Variants in ADAMTS4 observed in about 807,000 individuals in gnomAD.
ADAMTS4 encodes ADAM metallopeptidase with thrombospondin type 1 motif 4.
Under a neutral mutation model 66.7 loss-of-function variants are expected in ADAMTS4, and 38 were observed. The ratio of observed to expected loss-of-function variants is 0.57; its 90% CI spans 0.44 to 0.75. ADAMTS4 has a LOEUF of 0.75. ADAMTS4 is among the 30% of genes least tolerant of loss of function. The pLI is 0.00. For synonymous variants in ADAMTS4, 418 were observed against 461.5 expected (o/e 0.91, Z 1.21); for missense variants, 1,014 against 1,116.7 (o/e 0.91, Z 1.31).
Position 161,196,783 on chromosome 1 carries a change from G to T in ADAMTS4, c.731C>A (p.Thr244Lys). Residue 244 changes from threonine to lysine, a missense_variant, in exon 2 of 9, where the codon ACA (threonine) becomes AAA (lysine). Coordinates refer to ENST00000367996, the MANE Select transcript of ADAMTS4 (RefSeq NM_005099.6). The stretch of plus-strand genomic sequence containing the variant: ...GGCCTTGGCTGCTGCTGCCATCACT[G>T]TTAGCAGGTAGCGCTTTAGCCCCGC... ...HGAGLKRYLL[T>K]VMAAAAKAFK... 1 of 1,612,856 alleles carries T rather than the reference G, an allele frequency of 6.2e-7. No homozygotes were observed. The highest frequency in any genetic ancestry group is 8.5e-7 in the Non-Finnish European group (1 of 1,180,042).
rs1451568179 is a variant in ADAMTS4, at chr1:161,185,703, A to G, written c.*5435T>C. 2 of 152,084 alleles carry G rather than the reference A, an allele frequency of 1.3e-5. No homozygotes were observed. Among genetic ancestry groups the G allele is most frequent in the Non-Finnish European group, 2.9e-5 (2 of 68,008 alleles). 9.4% of individuals were successfully genotyped at this position (152,084 alleles called of 1,614,324 possible). On this transcript the variant is annotated 3_prime_UTR_variant, in exon 9 of 9. Coordinates refer to ENST00000367996, the MANE Select transcript of ADAMTS4 (RefSeq NM_005099.6). The stretch of plus-strand genomic sequence containing the variant: ...TTACTGCCAATCTGGTATTTTAGAA[A>G]ACAAAATACTGTAATACTGTATGAA...
chr1:161,195,163 C>A (rs112760883), intron 4 of ADAMTS4, among the ~76,000 whole-genome samples: 3,883 of 152,326 alleles, frequency 0.025, 176 homozygotes, highest in African/African-American at 0.089. Flanking sequence ...GCATACCTCA[C>A]TGCGTGACAA....
chr1:161,198,709 C>A lies in ADAMTS4; in HGVS notation c.-82G>T, dbSNP rs963606749. ...CACCCTAGCTTTGGAAAGCTCCTCT[C>A]TGTAGCCTGGGGGCTTGGACTCCTG... On this transcript the variant is annotated 5_prime_UTR_variant, in exon 1 of 9. Coordinates refer to ENST00000367996, the MANE Select transcript of ADAMTS4 (RefSeq NM_005099.6). The surrounding 1 kb of genome is among the most constrained non-coding windows in gnomAD (Gnocchi z 4.7). 7 of 1,322,818 alleles carry A rather than the reference C, an allele frequency of 5.3e-6. No individual in the cohort carries two copies. The African/African-American group carries it at 8.9e-5, about 17-fold the overall frequency. 81.9% of individuals were successfully genotyped at this position (1,322,818 alleles called of 1,614,324 possible).
rs1664973382 is a variant in ADAMTS4 at position 161,198,590 on chromosome 1, G to A, written c.38C>T (p.Ala13Val). 1 of 1,537,572 alleles carries A rather than the reference G, an allele frequency of 6.5e-7. No individual in the cohort carries two copies. Among genetic ancestry groups the A allele is most frequent in the Non-Finnish European group, 8.8e-7 (1 of 1,140,548 alleles). Reference protein sequence around the residue: ...QTGSHPGRGLAGRWLWGAQPC... With the variant: ...QTGSHPGRGLVGRWLWGAQPC... ...TTGGGCTCCCCACAGCCAGCGCCCTGCCAAGCCCCTCCCGGGATGCGAGCC... is the reference window on the plus strand; with the variant it reads ...TTGGGCTCCCCACAGCCAGCGCCCTACCAAGCCCCTCCCGGGATGCGAGCC... The change falls in exon 1 of 9, where the codon GCA (alanine) becomes GTA (valine). Residue 13 changes from alanine to valine, a missense_variant. Physicochemically the swap from Ala to Val is moderately conservative, Grantham distance 64. Coordinates refer to ENST00000367996, the MANE Select transcript of ADAMTS4 (RefSeq NM_005099.6). This position sits in a 1 kb window ranked among gnomAD's most constrained non-coding sequence, Gnocchi z 4.7.
Position 161,198,225 on chromosome 1 carries a change from C to A in ADAMTS4, c.403G>T (p.Asp135Tyr). Residue 135 changes from aspartate to tyrosine, a missense_variant, in exon 1 of 9, where the codon GAT becomes TAT. Coordinates refer to ENST00000367996, the MANE Select transcript of ADAMTS4 (RefSeq NM_005099.6). This position sits in a 1 kb window ranked among gnomAD's most constrained non-coding sequence, Gnocchi z 4.7. ...GTYLTGTING[D>Y]PESVASLHWD... ...TGCAGAGATGCCACCGACTCCGGAT[C>A]TCCATTGATGGTGCCAGTCAGGTAG... The A allele has an allele frequency of 6.2e-7, 1 of 1,614,144 alleles. No homozygotes were observed. Among genetic ancestry groups the A allele is most frequent in the South Asian group, 1.1e-5 (1 of 91,088 alleles).
At position 161,186,842 on chromosome 1, in the gene ADAMTS4, A is replaced by C. The variant is rs1366384996; in HGVS notation, c.*4296T>G. The C allele has an allele frequency of 6.6e-6, 1 of 152,038 alleles. No individual in the cohort carries two copies. Among genetic ancestry groups the C allele is most frequent in the Non-Finnish European group, 1.5e-5 (1 of 68,034 alleles). The allele number at this position is 152,038 out of a possible 1,614,324, so 9.4% of individuals were successfully genotyped here. On this transcript the variant is annotated 3_prime_UTR_variant, in exon 9 of 9. Coordinates refer to ENST00000367996, the MANE Select transcript of ADAMTS4 (RefSeq NM_005099.6). Reference sequence around the variant, plus strand: ...GATAAGACCTCGTCTCAACCAAAAAAAAAAGTAAATTAGCTGGGTGTGGTA... The same window carrying C: ...GATAAGACCTCGTCTCAACCAAAAACAAAAGTAAATTAGCTGGGTGTGGTA...
chr1:161,193,343 G>C lies in ADAMTS4; in HGVS notation c.1781C>G (p.Thr594Ser), dbSNP rs1265826259. 1 of 1,614,018 alleles carries C rather than the reference G, an allele frequency of 6.2e-7. No individual in the cohort carries two copies. Among genetic ancestry groups the C allele is most frequent in the Admixed American group, 1.7e-5 (1 of 60,010 alleles). Residue 594 changes from threonine (T) to serine (S), a missense_variant, in exon 7 of 9, where the codon ACC becomes AGC. Transcript: ENST00000367996. The surrounding 1 kb of genome is among the most constrained non-coding windows in gnomAD (Gnocchi z 4.4). ...CCCTGGGAAGCTCTTGAAGAGGTCG[G>C]TGCGGTGGTTGTAGGCAGCACACTG... ...EEQCAAYNHR[T>S]DLFKSFPGPM...
At position 161,184,826 on chromosome 1, in the gene ADAMTS4, C is replaced by G. The variant is rs1051274769; in HGVS notation, c.*6312G>C. On this transcript the variant is annotated 3_prime_UTR_variant, in exon 9 of 9. Coordinates refer to ENST00000367996, the MANE Select transcript of ADAMTS4 (RefSeq NM_005099.6). Reference sequence around the variant, plus strand: ...TTGAGCCCGGGAGTTCAAGACCAGCCTGGGCAACATGGAAAACCCCGTCTC... The same window carrying G: ...TTGAGCCCGGGAGTTCAAGACCAGCGTGGGCAACATGGAAAACCCCGTCTC... 6.6e-6 allele frequency: 1 copy of G among 151,918 alleles called. No individual in the cohort carries two copies. The highest frequency in any genetic ancestry group is 2.4e-5 in the African/African-American group (1 of 41,322). 9.4% of individuals were successfully genotyped at this position (151,918 alleles called of 1,614,324 possible).
chr1:161,196,536 C>T (rs1301091903), intron 2 of ADAMTS4, 21 bp downstream of exon 2: 6 of 1,610,514 alleles, frequency 3.7e-6, no homozygotes, highest in African/African-American at 2.7e-5. Context: ...GCATGGCCTG[C>T]GGTGCTGACT....
rs1664797404 is a variant in ADAMTS4, at chr1:161,195,604, G to A, written c.1122C>T (p.Ser374=). ...GHVFNMLHDN[S]KPCISLNGPL... is the part of the protein sequence containing the mutation. ...GCCCATTCAAACTGATGCATGGCTTGGAGTTGTCATGGAGCATGTTGAAGA... is the reference window on the plus strand; with the variant it reads ...GCCCATTCAAACTGATGCATGGCTTAGAGTTGTCATGGAGCATGTTGAAGA... The change falls in exon 4 of 9, where the codon TCC becomes TCT. Residue 374 remains serine (S), a synonymous_variant. Coordinates refer to ENST00000367996, the MANE Select transcript of ADAMTS4 (RefSeq NM_005099.6). 1 of 1,613,534 alleles carries A rather than the reference G, an allele frequency of 6.2e-7. No homozygotes were observed. Among genetic ancestry groups the A allele is most frequent in the Admixed American group, 1.7e-5 (1 of 59,942 alleles).
At chr1:161,191,907 C>T (rs945020622) in intron 8 of ADAMTS4, among the ~76,000 whole-genome samples, 158 bp downstream of exon 8, 6 of 152,210 alleles carry the variant, frequency 3.9e-5, no homozygotes, top group Admixed American at 2.0e-4. Context: ...GTTCCAACTT[C>T]GGATGAATAC....
chr1:161,192,920 C>T (rs1207909295), intron 7 of ADAMTS4, among the ~76,000 whole-genome samples: 3 of 152,062 alleles, frequency 2.0e-5, no homozygotes, highest in African/African-American at 7.2e-5. Context: ...AGGACTTGTC[C>T]CAAAGGCCAC....
chr1:161,198,471 T>C lies in ADAMTS4; in HGVS notation c.157A>G (p.Ser53Gly). ...ASLLPSARLA[S>G]PLPREEEIVF... ...ATCTCCTCCTCCCGGGGGAGGGGGC[T>C]GGCCAGCCGGGCTGAGGGCAGGAGA... The change falls in exon 1 of 9, where the codon AGC becomes GGC. Residue 53 changes from serine (S) to glycine (G), a missense_variant. Transcript: ENST00000367996. This position sits in a 1 kb window ranked among gnomAD's most constrained non-coding sequence, Gnocchi z 4.7. 2 of 1,569,822 alleles carry C rather than the reference T, an allele frequency of 1.3e-6. No individual in the cohort carries two copies. Among genetic ancestry groups the C allele is most frequent in the Non-Finnish European group, 1.7e-6 (2 of 1,157,842 alleles).
Position 161,193,496 on chromosome 1 carries a change from A to G in ADAMTS4, c.1736-108T>C. 9 of 1,522,602 alleles carry G rather than the reference A, an allele frequency of 5.9e-6. No homozygotes were observed. Among genetic ancestry groups the G allele is most frequent in the Non-Finnish European group, 7.1e-6 (8 of 1,127,414 alleles). 94.3% of individuals were successfully genotyped at this position (1,522,602 alleles called of 1,614,324 possible). A position where few individuals can be genotyped will look rare whatever the true frequency, so the allele number is the denominator to read the frequency against. On this transcript the variant is annotated intron_variant, in intron 6 of 8. Transcript: ENST00000367996. This position sits in a 1 kb window ranked among gnomAD's most constrained non-coding sequence, Gnocchi z 4.4. ...ACAGCACAGCTCTGCTCTTCCCTGC[A>G]GACGGCCAAGGACAATTCCCAGAGG...
chr1:161,188,795 G>A lies in ADAMTS4; in HGVS notation c.*2343C>T, dbSNP rs1296232714. On this transcript the variant is annotated 3_prime_UTR_variant, in exon 9 of 9. Coordinates refer to ENST00000367996, the MANE Select transcript of ADAMTS4 (RefSeq NM_005099.6). ...TGCAGTGGCGCAATCTCGACTCACT[G>A]TAAGCTCTGCCTCCCGGGTGCAAGT... is the stretch of plus-strand genomic sequence containing the variant. 1 of 148,454 alleles carries A rather than the reference G, an allele frequency of 6.7e-6. No homozygotes were observed. Among genetic ancestry groups the A allele is most frequent in the African/African-American group, 2.5e-5 (1 of 40,208 alleles). 9.2% of individuals were successfully genotyped at this position (148,454 alleles called of 1,614,324 possible). A position where few individuals can be genotyped will look rare whatever the true frequency, so the allele number is the denominator to read the frequency against.
At position 161,198,596 on chromosome 1, in the gene ADAMTS4, C is replaced by G; in HGVS notation, c.32G>C (p.Gly11Ala). 6.5e-7 allele frequency: 1 copy of G among 1,542,506 alleles called. No homozygotes were observed. Among genetic ancestry groups the G allele is most frequent in the Non-Finnish European group, 8.8e-7 (1 of 1,142,154 alleles). Residue 11 changes from glycine (G) to alanine (A), a missense_variant, in exon 1 of 9, where the codon GGC becomes GCC. Transcript: ENST00000367996. This position sits in a 1 kb window ranked among gnomAD's most constrained non-coding sequence, Gnocchi z 4.7. ...TCCCCACAGCCAGCGCCCTGCCAAG[C>G]CCCTCCCGGGATGCGAGCCTGTCTG... Reference protein sequence around the residue: MSQTGSHPGRGLAGRWLWGAQ... With the variant: MSQTGSHPGRALAGRWLWGAQ...
Position 161,185,125 on chromosome 1 carries a change from C to A in ADAMTS4, c.*6013G>T, listed in dbSNP as rs2102006830. 6.6e-6 allele frequency: 1 copy of A among 151,934 alleles called. No individual in the cohort carries two copies. Among genetic ancestry groups the A allele is most frequent in the South Asian group, 2.1e-4 (1 of 4,806 alleles). 9.4% of individuals were successfully genotyped at this position (151,934 alleles called of 1,614,324 possible). A position where few individuals can be genotyped will look rare whatever the true frequency, so the allele number is the denominator to read the frequency against. On this transcript the variant is annotated 3_prime_UTR_variant, in exon 9 of 9. Transcript: ENST00000367996. ...TGAGTTAATGGGTGCAGCACACCAG[C>A]ATGGCACATGTATACATATGTAACT...
chr1:161,191,547 A>G lies in ADAMTS4; in HGVS notation c.2105T>C (p.Val702Ala), dbSNP rs773982106. Residue 702 changes from valine to alanine, a missense_variant, in exon 9 of 9, where the codon GTG (valine) becomes GCG (alanine). By Grantham distance (64) the Val-to-Ala change is moderately conservative. Transcript: ENST00000367996. ...FRKFRYGYNNVVTIPAGATHI... is the reference protein window; with the variant it reads ...FRKFRYGYNNAVTIPAGATHI... ...GGTGGCCCCCGCGGGGATAGTGACCACATTGTTGTATCCGTACCTGTGTGG... is the reference window on the plus strand; with the variant it reads ...GGTGGCCCCCGCGGGGATAGTGACCGCATTGTTGTATCCGTACCTGTGTGG... 3 of 1,611,802 alleles carry G rather than the reference A, an allele frequency of 1.9e-6. No individual in the cohort carries two copies. The highest frequency in any genetic ancestry group is 2.2e-5 in the South Asian group (2 of 90,790).
Position 161,193,394 on chromosome 1 carries a change from G to A in ADAMTS4, c.1736-6C>T, listed in dbSNP as rs1196804062. 1 of 1,611,844 alleles carries A rather than the reference G, an allele frequency of 6.2e-7. No homozygotes were observed. Among genetic ancestry groups the A allele is most frequent in the Non-Finnish European group, 8.5e-7 (1 of 1,178,690 alleles). On this transcript the variant is annotated splice_polypyrimidine_tract_variant and splice_region_variant and intron_variant, in intron 6 of 8. Transcript: ENST00000367996. This position sits in a 1 kb window ranked among gnomAD's most constrained non-coding sequence, Gnocchi z 4.4. Reference sequence around the variant, plus strand: ...CTCCTCGCGGAAGGTCAGGGCTGGAGGGGTAAAACAGTCAGAGCCCCTCCT... The same window carrying A: ...CTCCTCGCGGAAGGTCAGGGCTGGAAGGGTAAAACAGTCAGAGCCCCTCCT...
Sources: gnomAD v4.1 joint callset for allele counts (sites outside exome capture counted in the v4.1 genomes callset) on GRCh38, gnomAD v4.1.1 for gene constraint, Gnocchi (gnomAD v3.1) non-coding constraint, MANE v1.5 for transcripts, NCBI Gene and HGNC (gene_info 2026-07-23, HGNC 2026-07-21) for gene names.